LRBA: variants seen among roughly 807,000 people sequenced by gnomAD.
LRBA encodes LPS responsive beige-like anchor protein.
In LRBA, 176 loss-of-function variants were observed where a neutral mutation model predicts 330.0. That is an observed-to-expected ratio of 0.53 (90% confidence interval 0.47 to 0.60). The LOEUF is 0.60. Ranked by LOEUF, LRBA falls within the 20% of genes least tolerant of loss-of-function variation. The probability of loss-of-function intolerance (pLI) is 0.00; values close to 1 mark genes in which losing one functional copy is unlikely to be tolerated. For synonymous variants in LRBA, 1,230 were observed against 1,193.0 expected, an observed-to-expected ratio of 1.03 and a Z score of -0.64; for missense variants, 3,259 against 3,444.8, an observed-to-expected ratio of 0.95 and a Z score of 1.35.
intron 37 of LRBA, among the ~76,000 whole-genome samples, chr4:150,599,878 TTC>T (rs1465719804): frequency 6.6e-6 from 1 of 152,190 alleles, no homozygotes; most frequent in African/African-American, 2.4e-5. Context: ...CAGATTGGAT[TTC>T]TGTTTTATGT....
chr4:150,639,858 T>TA (rs1778488235), intron 37 of LRBA, among the ~76,000 whole-genome samples: 1 of 81,230 alleles, frequency 1.2e-5, no homozygotes, highest in African/African-American at 4.6e-5. Context: ...TATATATATA[T>TA]ATATATATAT....
At chr4:150,704,352 G>T (rs1415430539) in intron 36 of LRBA, among the ~76,000 whole-genome samples, 1 of 151,364 alleles carries the variant, frequency 6.6e-6, no homozygotes, top group African/African-American at 2.4e-5. Flanking sequence ...ACTGGAGAAG[G>T]TTCTCTTTTT....
At chr4:150,893,288 T>C (rs1579117072) in intron 16 of LRBA, 139 bp from the exon 17 acceptor site, 2 of 570,748 alleles carry the variant, frequency 3.5e-6, no homozygotes, top group East Asian at 2.8e-5. Flanking sequence ...TTTAACAAAT[T>C]ATGTTCTTTA....
intron 34 of LRBA, among the ~76,000 whole-genome samples, chr4:150,773,673 C>T (rs1481904462): frequency 1.3e-5 from 2 of 152,220 alleles, no homozygotes; most frequent in African/African-American, 4.8e-5. Flanking sequence ...GTGGCTTCCA[C>T]CTGGGGCCTT....
chr4:150,402,106 C>T (rs896156410), intron 47 of LRBA, among the ~76,000 whole-genome samples: 8 of 144,896 alleles, frequency 5.5e-5, no homozygotes, highest in Middle Eastern at 3.5e-3. Flanking sequence ...CTGACTAACA[C>T]GGTGAAATGC....
intron 47 of LRBA, among the ~76,000 whole-genome samples, chr4:150,384,848 T>A (rs72955806): frequency 6.6e-6 from 1 of 152,140 alleles, no homozygotes; most frequent in East Asian, 1.9e-4. Context: ...ATTATCAGTA[T>A]GAATTTTTCA....
chr4:150,625,631 T>C (rs2126646903), intron 37 of LRBA, among the ~76,000 whole-genome samples: 1 of 151,552 alleles, frequency 6.6e-6, no homozygotes, highest in Admixed American at 6.6e-5. Flanking sequence ...TGGGAAGCTT[T>C]ATAAAAATAT....
chr4:150,340,991 C>CAA (rs1735461526), intron 48 of LRBA, among the ~76,000 whole-genome samples: 1 of 152,130 alleles, frequency 6.6e-6, no homozygotes, highest in Non-Finnish European at 1.5e-5. Flanking sequence ...ATCTGACTTA[C>CAA]AGTTTCAAAT....
intron 2 of LRBA, among the ~76,000 whole-genome samples, chr4:150,963,200 T>A (rs1148634): frequency 0.12 from 17,390 of 147,088 alleles, 2,513 homozygotes; most frequent in South Asian, 0.26. Context: ...TGCACGGTCC[T>A]CGTCTCCCCT....
At chr4:150,767,650 CA>C (rs1286777630) in intron 34 of LRBA, among the ~76,000 whole-genome samples, 3 of 150,638 alleles carry the variant, frequency 2.0e-5, no homozygotes, top group Admixed American at 6.6e-5. Flanking sequence ...CCCGGCTTCT[CA>C]GGAGGCTGAG....
chr4:150,601,622 A>C (rs1441020284), intron 37 of LRBA, among the ~76,000 whole-genome samples: 1 of 152,190 alleles, frequency 6.6e-6, no homozygotes, highest in Admixed American at 6.5e-5. Flanking sequence ...AATAGAAATG[A>C]AAGTTGTTTC....
At chr4:150,970,486 C>A (rs945556670) in intron 2 of LRBA, among the ~76,000 whole-genome samples, 2 of 148,472 alleles carry the variant, frequency 1.3e-5, no homozygotes, top group Admixed American at 1.3e-4. Context: ...GGCAGCAAAG[C>A]AAGACCCTGT....
chr4:150,510,369 T>A (rs1201625099), intron 40 of LRBA, among the ~76,000 whole-genome samples: 1 of 152,220 alleles, frequency 6.6e-6, no homozygotes. Context: ...CAACTCGTTC[T>A]ATGAGGTCAG....
chr4:150,880,823 A>C (rs1295899850), intron 17 of LRBA, among the ~76,000 whole-genome samples: 1 of 152,232 alleles, frequency 6.6e-6, no homozygotes, highest in African/African-American at 2.4e-5. Flanking sequence ...AGAATCTATA[A>C]GGAACTTAAA....
chr4:150,850,480 A>G (rs1236313536), intron 24 of LRBA, among the ~76,000 whole-genome samples: 1 of 152,188 alleles, frequency 6.6e-6, no homozygotes, highest in Non-Finnish European at 1.5e-5. Flanking sequence ...AAATTGCTAC[A>G]GGAAATCTAC....
At chr4:150,930,265 A>G (rs1454232492) in intron 2 of LRBA, among the ~76,000 whole-genome samples, 2 of 151,680 alleles carry the variant, frequency 1.3e-5, no homozygotes, top group Non-Finnish European at 2.9e-5. Flanking sequence ...CAGTGAGCTG[A>G]GATTGTGCCA....
chr4:150,868,175 A>C lies in LRBA; in HGVS notation c.2573+7T>G, dbSNP rs201750461. ...ACTGCAAATAAATGCTTTCTGATTC[A>C]GCTTACCTCCTGTTTTCTCTACTGT... On this transcript the variant is annotated splice_region_variant and intron_variant, in intron 21 of 56. Transcript: ENST00000651943. 1.1e-5 allele frequency: 18 copies of C among 1,603,782 alleles called. No individual in the cohort carries two copies. The highest frequency in any genetic ancestry group is 1.5e-5 in the Non-Finnish European group (18 of 1,176,224).
At chr4:150,570,384 C>T (rs1047258613) in intron 40 of LRBA, among the ~76,000 whole-genome samples, 3 of 152,018 alleles carry the variant, frequency 2.0e-5, no homozygotes, top group Admixed American at 6.6e-5. Context: ...CTGCAAAAAT[C>T]CCAGAGTAAT....
intron 40 of LRBA, among the ~76,000 whole-genome samples, chr4:150,534,011 T>A (rs1011695702): frequency 1.3e-5 from 2 of 152,172 alleles, no homozygotes; most frequent in Non-Finnish European, 2.9e-5. Context: ...CCCCAGTCCT[T>A]GTCTTTTCCT....
Sources: gnomAD v4.1 joint callset for allele counts (sites outside exome capture counted in the v4.1 genomes callset) on GRCh38, gnomAD v4.1.1 for gene constraint, MANE v1.5 for transcripts, NCBI Gene and HGNC (gene_info 2026-07-23, HGNC 2026-07-21) for gene names.